The following PSD3 variants were observed in gnomAD, a reference collection of about 807,000 sequenced individuals.
The protein encoded by PSD3 is PH and SEC7 domain-containing protein 3.
Under a neutral mutation model 105.5 loss-of-function variants are expected in PSD3, and 49 were observed. The ratio of observed to expected loss-of-function variants is 0.46; its 90% confidence interval spans 0.37 to 0.59. The LOEUF (loss-of-function observed/expected upper bound fraction) is 0.59. Among genes scored for constraint, PSD3 ranks in the 20% least tolerant of loss-of-function variants. The probability of loss-of-function intolerance (pLI) is 0.00; values close to 1 mark genes in which losing one functional copy is unlikely to be tolerated. For synonymous variants in PSD3, 557 were observed against 457.8 expected, an observed-to-expected ratio of 1.22 and a Z score of -2.77; for missense variants, 1,561 against 1,263.8, an observed-to-expected ratio of 1.24 and a Z score of -3.57.
At chr8:18,956,552 C>A (rs73204503) in intron 1 of PSD3, among the ~76,000 whole-genome samples, 43,694 of 152,056 alleles carry the variant, frequency 0.29, 7,080 homozygotes, top group Middle Eastern at 0.51. Flanking sequence ...ATGAAGGTTT[C>A]TGAGCAAGGG....
intron 1 of PSD3, among the ~76,000 whole-genome samples, chr8:18,977,396 C>T (rs1474567184): frequency 6.6e-6 from 1 of 152,040 alleles, no homozygotes; most frequent in Non-Finnish European, 1.5e-5. Context: ...ATAGCAACTA[C>T]TTCTGATGGC....
At chr8:19,037,074 T>C (rs1025058414) in intron 1 of PSD3, among the ~76,000 whole-genome samples, 1 of 152,246 alleles carries the variant, frequency 6.6e-6, no homozygotes, top group East Asian at 1.9e-4. Flanking sequence ...CAAAGGACTC[T>C]CTTACAGTCC....
intron 9 of PSD3, chr8:18,730,408 G>C (rs1468520786): frequency 1.3e-5 from 2 of 152,078 alleles, no homozygotes; most frequent in Non-Finnish European, 2.9e-5. Context: ...ATCTAGCTTT[G>C]ACTTGTCATT....
In PSD3 at chr8:18,566,732, G is replaced by C. The variant is rs368931381; in HGVS notation, c.2784+5796C>G. Among the ~76,000 whole-genome samples the C allele has an allele frequency of 6.6e-5, 10 of 151,752 alleles. No individual in the cohort carries two copies. In the East Asian group the frequency reaches 7.7e-4, roughly 12 times the overall value. ...ATGATACTGCAGGATATTTCTTTTT[G>C]GTTATTACCTTCTTATTTAAAATCT... On this transcript the variant is annotated intron_variant, in intron 14 of 15. Coordinates refer to ENST00000327040, the MANE Select transcript of PSD3 (RefSeq NM_015310.4).
chr8:18,899,800 T>G (rs1441080514), intron 2 of PSD3, among the ~76,000 whole-genome samples: 6 of 138,250 alleles, frequency 4.3e-5, no homozygotes, highest in Non-Finnish European at 6.7e-5. Context: ...ACCCAAAGAT[T>G]GGTATCTGTG....
intron 9 of PSD3, among the ~76,000 whole-genome samples, chr8:18,726,270 T>C (rs1443051101): frequency 6.6e-6 from 1 of 152,216 alleles, no homozygotes; most frequent in Non-Finnish European, 1.5e-5. Flanking sequence ...TAGTGAGATA[T>C]TGCCAAGTAA....
intron 9 of PSD3, among the ~76,000 whole-genome samples, chr8:18,700,811 C>A (rs1318187863): frequency 1.3e-5 from 2 of 152,082 alleles, no homozygotes. Context: ...AGATTCACAA[C>A]ATTTGAGTGA....
chr8:18,544,425 G>T (rs199883451), intron 15 of PSD3, among the ~76,000 whole-genome samples: 1 of 144,868 alleles, frequency 6.9e-6, no homozygotes, highest in Non-Finnish European at 1.5e-5. Flanking sequence ...AAATGTTCAG[G>T]TTTTTTTTTT....
intron 11 of PSD3, among the ~76,000 whole-genome samples, chr8:18,616,086 G>A (rs556152421): frequency 1.6e-3 from 242 of 152,338 alleles, no homozygotes; most frequent in Non-Finnish European, 2.8e-3. Flanking sequence ...TTTGCCTACT[G>A]ATAGGTGTTC....
chr8:19,078,218 G>C (rs1829522600), intron 1 of PSD3, among the ~76,000 whole-genome samples: 1 of 151,916 alleles, frequency 6.6e-6, no homozygotes, highest in African/African-American at 2.4e-5. Flanking sequence ...GTCTTTCAAA[G>C]ATAAAATTTT....
intron 9 of PSD3, among the ~76,000 whole-genome samples, chr8:18,696,212 T>C (rs1801251289): frequency 6.6e-6 from 1 of 152,214 alleles, no homozygotes; most frequent in Admixed American, 6.5e-5. Context: ...CGTCCGTTCC[T>C]CTCTGCCCAA....
intron 1 of PSD3, among the ~76,000 whole-genome samples, chr8:19,075,796 A>G (rs1368806582): frequency 6.6e-6 from 1 of 152,184 alleles, no homozygotes; most frequent in African/African-American, 2.4e-5. Context: ...ATGTATGTTT[A>G]TCTGCCCTAA....
chr8:18,910,040 G>A (rs75391979), intron 2 of PSD3, among the ~76,000 whole-genome samples: 2,614 of 152,196 alleles, frequency 0.017, 69 homozygotes, highest in East Asian at 0.1. Flanking sequence ...ACTGCCCCAC[G>A]AAGAGTTCGC....
At chr8:18,654,852 T>C (rs1037006308) in intron 10 of PSD3, among the ~76,000 whole-genome samples, 1 of 152,182 alleles carries the variant, frequency 6.6e-6, no homozygotes, top group Non-Finnish European at 1.5e-5. Context: ...TTGTGCTTAG[T>C]ATCTATCAGT....
At chr8:18,990,330 A>C (rs368200637) in intron 1 of PSD3, among the ~76,000 whole-genome samples, 1 of 152,250 alleles carries the variant, frequency 6.6e-6, no homozygotes, top group East Asian at 1.9e-4. Context: ...TTGCAATCCC[A>C]TGCCTTCATT....
chr8:18,951,849 G>A (rs963352187), intron 1 of PSD3, among the ~76,000 whole-genome samples: 7 of 152,058 alleles, frequency 4.6e-5, no homozygotes, highest in African/African-American at 1.7e-4. Context: ...AGCTGGTGTG[G>A]TGGTGGGTGC....
chr8:19,055,507 C>T (rs1232224615), intron 1 of PSD3, among the ~76,000 whole-genome samples: 1 of 152,214 alleles, frequency 6.6e-6, no homozygotes, highest in Non-Finnish European at 1.5e-5. Context: ...CCCGCCTCGG[C>T]CTCCCAAAGT....
At chr8:18,879,494 A>G (rs1483799276) in intron 2 of PSD3, among the ~76,000 whole-genome samples, 1 of 152,252 alleles carries the variant, frequency 6.6e-6, no homozygotes, top group Non-Finnish European at 1.5e-5. Flanking sequence ...TTAGAACTCT[A>G]AGTCAGGACT....
intron 1 of PSD3, among the ~76,000 whole-genome samples, chr8:18,980,249 T>C (rs1825183486): frequency 6.6e-6 from 1 of 152,174 alleles, no homozygotes; most frequent in Non-Finnish European, 1.5e-5. Context: ...ACCCAGACAG[T>C]GCTAATCTCC....
Sources: gnomAD v4.1 joint callset for allele counts (sites outside exome capture counted in the v4.1 genomes callset) on GRCh38, gnomAD v4.1.1 for gene constraint, MANE v1.5 for transcripts, NCBI Gene and HGNC (gene_info 2026-07-23, HGNC 2026-07-21) for gene names.